Variants in MAST4 observed in about 807,000 individuals in gnomAD.
The protein encoded by MAST4 is microtubule associated serine/threonine kinase family member 4.
MAST4 carries 89 observed loss-of-function variants against 162.7 expected under a neutral mutation model. That is an observed-to-expected ratio of 0.55 (90% CI 0.46 to 0.65). MAST4 has a LOEUF of 0.65. Among genes scored for constraint, MAST4 ranks in the 30% least tolerant of loss-of-function variants. The pLI is 0.00. For missense variants in MAST4, 3,153 were observed against 3,374.0 expected, an observed-to-expected ratio of 0.93 and a Z score of 1.62; for synonymous variants, 1,479 against 1,361.1, an observed-to-expected ratio of 1.09 and a Z score of -1.91.
At chr5:67,104,632 T>A (rs1246274037) in intron 10 of MAST4, 57 bp downstream of exon 10, 34 of 1,355,436 alleles carry the variant, frequency 2.5e-5, no homozygotes, top group Admixed American at 8.6e-5. Flanking sequence ...CTGAAAAAAA[T>A]TTTTTTTTGC....
intron 4 of MAST4, among the ~76,000 whole-genome samples, chr5:66,961,375 A>G (rs1745989155): frequency 6.6e-6 from 1 of 152,222 alleles, no homozygotes; most frequent in African/African-American, 2.4e-5. Context: ...CTTTCAGAAG[A>G]GTTTATTCCA....
rs142306895 is a variant in MAST4 at position 66,771,753 on chromosome 5, G to A, written c.517+11891G>A. Among the ~76,000 whole-genome samples the A allele has an allele frequency of 5.4e-4, 76 of 141,578 alleles. 1 individual carries two copies. The East Asian group carries it at 0.013, about 25-fold the overall frequency. 92.9% of individuals were successfully genotyped at this position (141,578 alleles called of 152,430 possible). ...CCCTTTAGAATAAGAAACTGGTTTCGGGCTTTTTTTTTTTTTAACCTGTTA... is the reference window on the plus strand; with the variant it reads ...CCCTTTAGAATAAGAAACTGGTTTCAGGCTTTTTTTTTTTTTAACCTGTTA... On this transcript the variant is annotated intron_variant, in intron 2 of 28. Transcript: ENST00000403625.
At chr5:66,615,418 C>T (rs1270207831) in intron 1 of MAST4, among the ~76,000 whole-genome samples, 14 of 152,208 alleles carry the variant, frequency 9.2e-5, no homozygotes, top group East Asian at 3.9e-4. Context: ...ATTTTGGCAG[C>T]AAGCACAACA....
At chr5:66,932,144 T>C (rs1464495300) in intron 4 of MAST4, among the ~76,000 whole-genome samples, 5 of 152,222 alleles carry the variant, frequency 3.3e-5, no homozygotes, top group Admixed American at 2.6e-4. Context: ...TTGAGAGGTT[T>C]CTGAGGATGA....
intron 1 of MAST4, among the ~76,000 whole-genome samples, chr5:66,631,176 T>C (rs1351050925): frequency 6.6e-6 from 1 of 152,142 alleles, no homozygotes; most frequent in Non-Finnish European, 1.5e-5. Flanking sequence ...AAAGAATGAA[T>C]AGGTTGTAAG....
chr5:66,842,299 A>G (rs1250987640), intron 3 of MAST4, among the ~76,000 whole-genome samples: 4 of 152,194 alleles, frequency 2.6e-5, no homozygotes, highest in South Asian at 2.1e-4. Flanking sequence ...GCATGTCTCT[A>G]TTAATCAATG....
chr5:66,668,561 T>C (rs550632413), intron 1 of MAST4, among the ~76,000 whole-genome samples: 1 of 152,292 alleles, frequency 6.6e-6, no homozygotes, highest in Non-Finnish European at 1.5e-5. Flanking sequence ...TAGTTAGATT[T>C]CCCCAAGAGG....
Position 67,166,436 on chromosome 5 carries a change from G to A in MAST4, c.7257G>A (p.Gly2419=). 6.2e-7 allele frequency: 1 copy of A among 1,603,678 alleles called. No individual in the cohort carries two copies. The highest frequency in any genetic ancestry group is 8.5e-7 in the Non-Finnish European group (1 of 1,175,008). ...GVGKGFPEAR[G]KGPGPQKPPT... Reference sequence around the variant, plus strand: ...GGAAGGGCTTCCCTGAGGCCAGAGGGAAAGGGCCCGGTCCCCAGAAGCCAC... The same window carrying A: ...GGAAGGGCTTCCCTGAGGCCAGAGGAAAAGGGCCCGGTCCCCAGAAGCCAC... Residue 2419 remains glycine, a synonymous_variant, in exon 29 of 29, where the codon GGG becomes GGA. Coordinates refer to ENST00000403625, the MANE Select transcript of MAST4 (RefSeq NM_001164664.2).
intron 1 of MAST4, among the ~76,000 whole-genome samples, chr5:66,650,256 C>T (rs776968821): frequency 2.6e-5 from 4 of 152,082 alleles, no homozygotes; most frequent in Non-Finnish European, 5.9e-5. Flanking sequence ...CTCATATCTG[C>T]TTCATATATG....
At position 67,142,437 on chromosome 5, in the gene MAST4, T is replaced by C; in HGVS notation, c.2634T>C (p.Tyr878=). 1.3e-6 allele frequency: 2 copies of C among 1,599,222 alleles called. No homozygotes were observed. The highest frequency in any genetic ancestry group is 1.7e-6 in the Non-Finnish European group (2 of 1,172,208). Residue 878 remains tyrosine, a synonymous_variant, in exon 21 of 29, where the codon TAT becomes TAC. Coordinates refer to ENST00000403625, the MANE Select transcript of MAST4 (RefSeq NM_001164664.2). ...TCACTGCAGCTCGGTCTGAGAAGTA[T>C]CATCATATGGAAACGGAGGAAGAAG... ...TSYFDTRSEK[Y]HHMETEEEDD... is the part of the protein sequence containing the mutation.
chr5:67,151,354 A>C (rs978936316), intron 24 of MAST4, among the ~76,000 whole-genome samples: 1 of 152,182 alleles, frequency 6.6e-6, no homozygotes, highest in Non-Finnish European at 1.5e-5. Flanking sequence ...CTCACATGGC[A>C]GAAGGGAAGA....
intron 4 of MAST4, among the ~76,000 whole-genome samples, chr5:67,013,217 T>C (rs1033959967): frequency 2.6e-5 from 4 of 152,248 alleles, no homozygotes; most frequent in African/African-American, 7.2e-5. Flanking sequence ...TCTGAAGTTC[T>C]TGAATAAGCT....
intron 5 of MAST4, among the ~76,000 whole-genome samples, chr5:67,066,066 G>A (rs1166611321): frequency 6.6e-6 from 1 of 151,964 alleles, no homozygotes; most frequent in Non-Finnish European, 1.5e-5. Context: ...ATTTAGAAGT[G>A]TATAAATACA....
At chr5:67,094,300 G>A (rs944243758) in intron 6 of MAST4, 40 of 469,406 alleles carry the variant, frequency 8.5e-5, no homozygotes, top group Non-Finnish European at 1.4e-4. Context: ...ATTTTCCTAC[G>A]AATATAAATT....
At chr5:67,007,444 C>G (rs1752176490) in intron 4 of MAST4, among the ~76,000 whole-genome samples, 1 of 152,190 alleles carries the variant, frequency 6.6e-6, no homozygotes, top group African/African-American at 2.4e-5. Context: ...CTCTCATTCC[C>G]AAACTTAGTT....
chr5:67,161,779 T>TTATATTTTGCTTTA (rs1435603293), intron 27 of MAST4, among the ~76,000 whole-genome samples: 1 of 152,240 alleles, frequency 6.6e-6, no homozygotes, highest in African/African-American at 2.4e-5. Context: ...AAGATCTTCT[T>TTATATTTTGCTTTA]TATTATTATG....
intron 4 of MAST4, among the ~76,000 whole-genome samples, chr5:67,023,290 ACTT>A (rs1000307673): frequency 6.6e-6 from 1 of 152,068 alleles, no homozygotes; most frequent in African/African-American, 2.4e-5. Flanking sequence ...ATGAGAAAAA[ACTT>A]CTTACGTTGT....
In MAST4 at chr5:66,847,835, AAAAAAAAAG is replaced by A. The variant is rs1175762397; in HGVS notation, c.643-52110_643-52102del. 2.0e-5 allele frequency among the ~76,000 whole-genome samples: 3 copies of A among 150,972 alleles called. 1 individual carries two copies. Among genetic ancestry groups the A allele is most frequent in the South Asian group, 4.2e-4 (2 of 4,742 alleles). ...GACTCCTTCTCAAAAAAAAAAAAAA[AAAAAAAAAG>A]AAAAACCTTAACAGTAGCTCAAAGC... On this transcript the variant is annotated intron_variant, in intron 3 of 28. Coordinates refer to ENST00000403625, the MANE Select transcript of MAST4 (RefSeq NM_001164664.2).
At position 66,808,214 on chromosome 5, in the gene MAST4, A is replaced by G. The variant is rs373095592; in HGVS notation, c.642+19420A>G. On this transcript the variant is annotated intron_variant, in intron 3 of 28. Transcript: ENST00000403625. ...GAGCATTGCTTTACACCGCAGCCTG[A>G]GGTTGTTAGGTAGTTTTTTACAGGA... Among the ~76,000 whole-genome samples the G allele has an allele frequency of 1.9e-4, 29 of 152,226 alleles. No individual in the cohort carries two copies. In the South Asian group the frequency reaches 5.8e-3, roughly 30 times the overall value.
Sources: allele counts gnomAD v4.1 joint callset (sites outside exome capture counted in the v4.1 genomes callset), GRCh38; gene constraint gnomAD v4.1.1; transcripts MANE v1.5; gene names NCBI Gene and HGNC (gene_info 2026-07-23, HGNC 2026-07-21).